EPB41: variants seen among roughly 807,000 people sequenced by gnomAD.
EPB41 encodes protein 4.1.
A neutral mutation model predicts 108.0 loss-of-function variants in EPB41; 65 were observed. The ratio of observed to expected loss-of-function variants is 0.60; its 90% CI spans 0.49 to 0.74. The LOEUF (loss-of-function observed/expected upper bound fraction) is 0.74, where lower values mean the gene tolerates loss of function less well. Ranked by LOEUF, EPB41 falls within the 30% of genes least tolerant of loss-of-function variation. EPB41 has a pLI of 0.00. For missense variants in EPB41, 875 were observed against 1,037.0 expected, an observed-to-expected ratio of 0.84 and a Z score of 2.15; for synonymous variants, 336 against 358.9, an observed-to-expected ratio of 0.94 and a Z score of 0.72.
chr1:28,959,416 C>T (rs2095106747), intron 1 of EPB41, among the ~76,000 whole-genome samples: 1 of 151,912 alleles, frequency 6.6e-6, no homozygotes, highest in Non-Finnish European at 1.5e-5. Context: ...GGGTTTTCGC[C>T]ATGTTGGCTA....
chr1:29,022,372 T>TAAAAAA (rs370103452), intron 7 of EPB41, among the ~76,000 whole-genome samples: 166 of 109,992 alleles, frequency 1.5e-3, no homozygotes, highest in Non-Finnish European at 1.9e-3. Context: ...ATTGATATAA[T>TAAAAAA]AAAAAAAAAA....
intron 15 of EPB41, among the ~76,000 whole-genome samples, chr1:29,064,480 G>C (rs1647015346): frequency 6.6e-6 from 1 of 152,190 alleles, no homozygotes; most frequent in South Asian, 2.1e-4. Context: ...GGTAGAAATA[G>C]AAGGATACTG....
At chr1:28,901,637 G>A (rs1294097764) in intron 1 of EPB41, among the ~76,000 whole-genome samples, 1 of 151,596 alleles carries the variant, frequency 6.6e-6, no homozygotes, top group Non-Finnish European at 1.5e-5. Flanking sequence ...AGGTTCAAGG[G>A]ATTCTCCTGT....
intron 17 of EPB41, among the ~76,000 whole-genome samples, chr1:29,107,053 T>C (rs1245770538): frequency 6.6e-6 from 1 of 151,632 alleles, no homozygotes; most frequent in Non-Finnish European, 1.5e-5. Context: ...TGTGGTGGCA[T>C]GCGCCTGTAA....
intron 1 of EPB41, chr1:28,982,614 G>A (rs971855677): frequency 6.6e-6 from 9 of 1,373,728 alleles, no homozygotes; most frequent in South Asian, 3.5e-5. Context: ...TGCCCATTTC[G>A]GCAGCAACCA....
chr1:29,081,377 G>A (rs1656537027), intron 16 of EPB41, among the ~76,000 whole-genome samples: 1 of 152,174 alleles, frequency 6.6e-6, no homozygotes, highest in Non-Finnish European at 1.5e-5. Flanking sequence ...TTACTGAAAA[G>A]TGAAGAATGG....
At chr1:29,051,350 C>T (rs977992215) in intron 11 of EPB41, among the ~76,000 whole-genome samples, 38 of 148,950 alleles carry the variant, frequency 2.6e-4, no homozygotes, top group Admixed American at 1.7e-3. Context: ...CTGCCCACCT[C>T]GGCCTCCCAA....
intron 1 of EPB41, among the ~76,000 whole-genome samples, chr1:28,966,975 T>C (rs1357298770): frequency 6.6e-6 from 1 of 151,830 alleles, no homozygotes; most frequent in African/African-American, 2.4e-5. Context: ...CAGTTTTCAG[T>C]TCAGAAGCAG....
chr1:29,005,259 T>C (rs2096379460), intron 4 of EPB41, among the ~76,000 whole-genome samples: 1 of 152,002 alleles, frequency 6.6e-6, no homozygotes, highest in Non-Finnish European at 1.5e-5. Context: ...GGATGCTATG[T>C]ACTTTGAAAC....
chr1:28,887,151 GGGCGAGAGCGGCGC>G (rs1277528261), upstream of EPB41: 19 of 1,083,958 alleles, frequency 1.8e-5, no homozygotes, highest in Non-Finnish European at 2.2e-5. The surrounding 1 kb of genome is among the most constrained non-coding windows in gnomAD (Gnocchi z 4.9). Context: ...ACCTCTTAAA[GGGCGAGAGCGGCGC>G]GGAGCCAGAA....
chr1:29,097,163 T>C (rs1663504524), intron 16 of EPB41: 3 of 156,246 alleles, frequency 1.9e-5, no homozygotes, highest in Admixed American at 1.9e-4. Context: ...GTGTGATTTA[T>C]ACTCCTGGGG....
chr1:28,998,205 TGA>T (rs2096227013), intron 4 of EPB41, among the ~76,000 whole-genome samples: 1 of 152,100 alleles, frequency 6.6e-6, no homozygotes, highest in Non-Finnish European at 1.5e-5. Context: ...ATGCCTTAGC[TGA>T]GAGAGACCTG....
chr1:28,943,375 G>A lies in EPB41; in HGVS notation c.-8+28607G>A, dbSNP rs1489470902. On this transcript the variant is annotated intron_variant, in intron 1 of 20. Coordinates refer to ENST00000343067, the MANE Select transcript of EPB41 (RefSeq NM_001376013.1). ...TGCAAATCAAAACTACAATGAGGCC[G>A]GGCGCTGTGGCTCATGCCTGTAATC... 3.3e-5 allele frequency among the ~76,000 whole-genome samples: 5 copies of A among 152,232 alleles called. No homozygotes were observed. The East Asian group carries it at 9.6e-4, about 29-fold the overall frequency.
At position 29,023,477 on chromosome 1, in the gene EPB41, C is replaced by T. The variant is rs568043365; in HGVS notation, c.1124+5035C>T. On this transcript the variant is annotated intron_variant, in intron 7 of 20. Coordinates refer to ENST00000343067, the MANE Select transcript of EPB41 (RefSeq NM_001376013.1). ...CCAAGGCAGCCAGATCACCTGAGGT[C>T]GGGAGTTCAAGACCAGCCTGACCAA... is the stretch of plus-strand genomic sequence containing the variant. Among the ~76,000 whole-genome samples the T allele has an allele frequency of 9.6e-4, 145 of 151,430 alleles. 3 individuals are homozygous for T. The highest frequency in any genetic ancestry group is 3.4e-3 in the African/African-American group (141 of 41,106).
At chr1:28,988,882 AG>A (rs1291928155) in intron 2 of EPB41, among the ~76,000 whole-genome samples, 1 of 152,182 alleles carries the variant, frequency 6.6e-6, no homozygotes, top group African/African-American at 2.4e-5. Flanking sequence ...AGAATAGTAG[AG>A]AAAAAAAAAG....
At position 28,900,730 on chromosome 1, in the gene EPB41, A is replaced by G. The variant is rs1031216759; in HGVS notation, c.-8+13520A>G. ...TCTGTCTGTGTCTGATTCCTTTCCC[A>G]CTAGGCCCCTCAGCTGTTAATGACG... is the stretch of plus-strand genomic sequence containing the variant. On this transcript the variant is annotated intron_variant, in intron 1 of 16. Coordinates refer to the EPB41 transcript ENST00000347529. Among the ~76,000 whole-genome samples the G allele has an allele frequency of 2.0e-5, 3 of 151,888 alleles. No homozygotes were observed. In the South Asian group the frequency reaches 6.2e-4, roughly 32 times the overall value.
chr1:29,112,526 A>T, intron 19 of EPB41, 78 bp downstream of exon 19: 1 of 1,210,428 alleles, frequency 8.3e-7, no homozygotes, highest in African/African-American at 1.5e-5. Context: ...TTTGTTTGCC[A>T]TCTTCATCTG....
chr1:28,987,941 A>C, intron 2 of EPB41, 36 bp downstream of exon 2: 1 of 1,601,132 alleles, frequency 6.2e-7, no homozygotes, highest in Non-Finnish European at 8.6e-7. Context: ...GGGCAAAGGA[A>C]GGCAGGTTAT....
intron 17 of EPB41, among the ~76,000 whole-genome samples, chr1:29,107,046 G>A (rs2151633662): frequency 6.6e-6 from 1 of 151,984 alleles, no homozygotes; most frequent in African/African-American, 2.4e-5. Context: ...AGCCAGGTGT[G>A]GTGGCATGCG....
Sources: gnomAD v4.1 joint callset for allele counts (sites outside exome capture counted in the v4.1 genomes callset) on GRCh38, gnomAD v4.1.1 for gene constraint, Gnocchi (gnomAD v3.1) non-coding constraint, MANE v1.5 for transcripts, NCBI Gene and HGNC (gene_info 2026-07-23, HGNC 2026-07-21) for gene names.